Variants in CALCRL observed in about 807,000 individuals in gnomAD.
CALCRL encodes the protein calcitonin gene-related peptide type 1 receptor.
In CALCRL, 27 loss-of-function variants were observed where a neutral mutation model predicts 60.4. The observed-to-expected ratio is 0.45, with a 90% CI of 0.33 to 0.62. The LOEUF is 0.62. Among genes scored for constraint, CALCRL ranks in the 20% least tolerant of loss-of-function variants. CALCRL has a pLI of 0.03. For synonymous variants in CALCRL, 190 were observed against 182.6 expected, an observed-to-expected ratio of 1.04 and a Z score of -0.33; for missense variants, 424 against 540.7, an observed-to-expected ratio of 0.78 and a Z score of 2.14.
At chr2:187,385,777 G>C (rs1233361343) in intron 3 of CALCRL, 146 bp from the exon 4 acceptor site, 2 of 580,312 alleles carry the variant, frequency 3.4e-6, no homozygotes, top group Non-Finnish European at 5.9e-6. Flanking sequence ...TTTAAGACAA[G>C]GTCTCACTCT....
At position 187,359,214 on chromosome 2, in the gene CALCRL, G is replaced by T; in HGVS notation, c.840C>A (p.Asp280Glu). ...ATAATAAAAAGAGATTTTCTTACTT[G>T]TCATTGTAATATAAGCTTCTAGCAA... Reference protein sequence around the residue: ...HAIARSLYYNDNCWISSDTHL... With the variant: ...HAIARSLYYNENCWISSDTHL... The change falls in exon 11 of 15, where the codon GAC becomes GAA. Residue 280 changes from aspartate (D) to glutamate (E), a missense_variant and splice_region_variant. Around this residue, in one of 7 missense-constraint regions of CALCRL, gnomAD observed 222 missense variants for 265.6 expected, o/e 0.84. Coordinates refer to ENST00000392370, the MANE Select transcript of CALCRL (RefSeq NM_005795.6). 6.3e-7 allele frequency: 1 copy of T among 1,591,716 alleles called. No homozygotes were observed. The highest frequency in any genetic ancestry group is 1.1e-5 in the South Asian group (1 of 88,370).
At chr2:187,424,650 T>C (rs1690039113) in intron 1 of CALCRL, among the ~76,000 whole-genome samples, 2 of 151,942 alleles carry the variant, frequency 1.3e-5, no homozygotes, top group African/African-American at 4.8e-5. Flanking sequence ...TGGATAACCT[T>C]GGAAAAGTAT....
intron 1 of CALCRL, among the ~76,000 whole-genome samples, chr2:187,444,862 A>T (rs1457600567): frequency 6.6e-6 from 1 of 151,602 alleles, no homozygotes; most frequent in Non-Finnish European, 1.5e-5. Context: ...AATCTAATTT[A>T]CATGGTCCAT....
intron 1 of CALCRL, among the ~76,000 whole-genome samples, chr2:187,397,233 AT>A: frequency 6.6e-6 from 1 of 151,678 alleles, no homozygotes. Context: ...AACTGACTGT[AT>A]TTCAAGGCGG....
At chr2:187,361,836 C>A (rs1224080278) in intron 9 of CALCRL, among the ~76,000 whole-genome samples, 1 of 151,798 alleles carries the variant, frequency 6.6e-6, no homozygotes, top group Non-Finnish European at 1.5e-5. Flanking sequence ...ATATACGATG[C>A]CTCCTAACTA....
At chr2:187,380,411 A>C in intron 7 of CALCRL, 56 bp downstream of exon 7, 2 of 950,866 alleles carry the variant, frequency 2.1e-6, no homozygotes, top group South Asian at 2.7e-5. Flanking sequence ...TATTGGACAA[A>C]GGAGCTGTTT....
chr2:187,358,191 A>G (rs1686884217), intron 12 of CALCRL, among the ~76,000 whole-genome samples: 1 of 151,974 alleles, frequency 6.6e-6, no homozygotes, highest in African/African-American at 2.4e-5. Flanking sequence ...TCTCTATAAA[A>G]AAAAATTTTT....
At chr2:187,404,206 A>G (rs1689017286) in intron 1 of CALCRL, among the ~76,000 whole-genome samples, 1 of 151,898 alleles carries the variant, frequency 6.6e-6, no homozygotes, top group Non-Finnish European at 1.5e-5. Flanking sequence ...GACCTTAACA[A>G]CAACAGCGAA....
intron 8 of CALCRL, among the ~76,000 whole-genome samples, chr2:187,371,273 A>C (rs13411274): frequency 0.3 from 44,921 of 151,562 alleles, 6,925 homozygotes; most frequent in Middle Eastern, 0.41. Flanking sequence ...AATAATATCT[A>C]ATGTAAAGCC....
chr2:187,392,320 C>T (rs1688481104), intron 1 of CALCRL, among the ~76,000 whole-genome samples: 1 of 152,006 alleles, frequency 6.6e-6, no homozygotes, highest in African/African-American at 2.4e-5. Flanking sequence ...TTTATGTATC[C>T]ATTCACTAAA....
chr2:187,396,492 C>T (rs1350401950), intron 1 of CALCRL, among the ~76,000 whole-genome samples: 2 of 151,718 alleles, frequency 1.3e-5, no homozygotes, highest in Non-Finnish European at 2.9e-5. Context: ...GAGTTTTTAT[C>T]TTCTTTGCAT....
intron 1 of CALCRL, among the ~76,000 whole-genome samples, chr2:187,420,689 A>G (rs1689831926): frequency 6.6e-6 from 1 of 152,198 alleles, no homozygotes; most frequent in Non-Finnish European, 1.5e-5. Context: ...TATGCATGTA[A>G]GAGATGTACT....
intron 1 of CALCRL, among the ~76,000 whole-genome samples, chr2:187,393,577 T>C (rs1022762734): frequency 2.6e-5 from 4 of 152,080 alleles, no homozygotes; most frequent in African/African-American, 9.7e-5. Context: ...ACAGTAAGAA[T>C]AGGGCAGGCA....
intron 5 of CALCRL, 87 bp downstream of exon 5, chr2:187,383,086 G>A (rs554833550): frequency 2.3e-6 from 3 of 1,285,784 alleles, no homozygotes; most frequent in African/African-American, 3.0e-5. Flanking sequence ...TTTAATAATG[G>A]ACCTAAAGCA....
intron 1 of CALCRL, among the ~76,000 whole-genome samples, chr2:187,443,381 C>CATGG (rs1448475891): frequency 6.6e-6 from 1 of 151,692 alleles, no homozygotes; most frequent in Non-Finnish European, 1.5e-5. Context: ...CGTGTTAATT[C>CATGG]ATGGATTACT....
At position 187,428,034 on chromosome 2, in the gene CALCRL, A is replaced by G. The variant is rs568399716; in HGVS notation, c.-293+20005T>C. On this transcript the variant is annotated intron_variant, in intron 1 of 14. Transcript: ENST00000392370. ...AACACCAGGGCTGTTTCAGGGATCA[A>G]TGCAAAGCAGAACAACTATATACAC... 2.2e-4 allele frequency among the ~76,000 whole-genome samples: 34 copies of G among 152,346 alleles called. No homozygotes were observed. The South Asian group carries it at 4.6e-3, about 20-fold the overall frequency.
chr2:187,407,408 C>A (rs1689184235), intron 1 of CALCRL, among the ~76,000 whole-genome samples: 1 of 151,926 alleles, frequency 6.6e-6, no homozygotes, highest in Non-Finnish European at 1.5e-5. Flanking sequence ...AGCACTTGAA[C>A]TACTCAAAGG....
intron 1 of CALCRL, among the ~76,000 whole-genome samples, chr2:187,440,215 GA>G (rs532671356): frequency 1.0e-3 from 148 of 146,508 alleles, no homozygotes; most frequent in African/African-American, 2.9e-3. Flanking sequence ...ATGTCCAGAC[GA>G]AAAAAAAAAG....
chr2:187,445,651 A>G (rs1472986377), intron 1 of CALCRL, among the ~76,000 whole-genome samples: 1 of 151,592 alleles, frequency 6.6e-6, no homozygotes, highest in Admixed American at 6.6e-5. Flanking sequence ...TTTATCAAAT[A>G]CTTTGTCCAC....
Sources: allele counts gnomAD v4.1 joint callset (sites outside exome capture counted in the v4.1 genomes callset), GRCh38; gene constraint gnomAD v4.1.1; regional missense constraint gnomAD v4.1.1; transcripts MANE v1.5; gene names NCBI Gene and HGNC (gene_info 2026-07-23, HGNC 2026-07-21).